The following PCDHGA6 variants were observed in gnomAD, a reference collection of about 807,000 sequenced individuals.
PCDHGA6 encodes protocadherin gamma-A6.
PCDHGA6 carries 41 observed loss-of-function variants against 60.6 expected under a neutral mutation model. That is an observed-to-expected ratio of 0.68 (90% CI 0.53 to 0.88). PCDHGA6 has a LOEUF of 0.88. Ranked by LOEUF, PCDHGA6 falls within the 40% of genes least tolerant of loss-of-function variation. The pLI, the probability that PCDHGA6 is intolerant of heterozygous loss-of-function variation, is 0.00. For synonymous variants in PCDHGA6, 594 were observed against 524.4 expected, an observed-to-expected ratio of 1.13 and a Z score of -1.81; for missense variants, 1,312 against 1,203.0, an observed-to-expected ratio of 1.09 and a Z score of -1.34.
chr5:141,378,022 A>G (rs1411303620), intron 1 of PCDHGA6: 2 of 152,188 alleles, frequency 1.3e-5, no homozygotes, highest in Non-Finnish European at 2.9e-5. Flanking sequence ...TACTTATATT[A>G]TTTTTTAAAA....
chr5:141,456,550 C>T (rs1017343381), intron 1 of PCDHGA6, among the ~76,000 whole-genome samples: 2 of 152,166 alleles, frequency 1.3e-5, no homozygotes, highest in African/African-American at 4.8e-5. Context: ...TGTAGCCACT[C>T]GGGGCTGAAG....
intron 1 of PCDHGA6, chr5:141,428,207 T>G (rs1213295979): frequency 7.6e-7 from 1 of 1,308,340 alleles, no homozygotes; most frequent in African/African-American, 1.4e-5. Context: ...GCCGCTACGC[T>G]TCACCTAGTC....
rs2154584583 is a variant in PCDHGA6, at chr5:141,490,717, A to G, written c.2425-4090A>G. The G allele has an allele frequency of 6.2e-7, 1 of 1,613,972 alleles. No individual in the cohort carries two copies. Among genetic ancestry groups the G allele is most frequent in the Non-Finnish European group, 8.5e-7 (1 of 1,179,936 alleles). On this transcript the variant is annotated intron_variant, in intron 1 of 3. Coordinates refer to ENST00000517434, the MANE Select transcript of PCDHGA6 (RefSeq NM_018919.3). The surrounding 1 kb of genome is among the most constrained non-coding windows in gnomAD (Gnocchi z 5.4). ...GGATAATGCCCGCCTCACCTACTCC[A>G]TTGTAGGAAATCAGGTTCAGGGAGC...
In PCDHGA6 at chr5:141,485,910, G is replaced by C. The variant is rs142273728; in HGVS notation, c.2425-8897G>C. On this transcript the variant is annotated intron_variant, in intron 1 of 3. Transcript: ENST00000517434. The surrounding 1 kb of genome is among the most constrained non-coding windows in gnomAD (Gnocchi z 5.7). ...AACGCCCCAGCCTTCCAGCAATCCAGCTACAGGATTAGTGTGTTGGAGAGC... is the reference window on the plus strand; with the variant it reads ...AACGCCCCAGCCTTCCAGCAATCCACCTACAGGATTAGTGTGTTGGAGAGC... The C allele has an allele frequency of 1.2e-6, 2 of 1,614,078 alleles. No homozygotes were observed. Among genetic ancestry groups the C allele is most frequent in the African/African-American group, 2.7e-5 (2 of 74,932 alleles).
chr5:141,481,924 A>G (rs1189494301), intron 1 of PCDHGA6, among the ~76,000 whole-genome samples: 1 of 151,648 alleles, frequency 6.6e-6, no homozygotes, highest in Non-Finnish European at 1.5e-5. Context: ...AAAAAAAAAA[A>G]AAAAAAAAAA....
At chr5:141,389,542 G>C in intron 1 of PCDHGA6, 1 of 1,613,198 alleles carries the variant, frequency 6.2e-7, no homozygotes, top group Non-Finnish European at 8.5e-7. Flanking sequence ...GTGGACGACC[G>C]CAACGACAAT....
intron 1 of PCDHGA6, chr5:141,388,690 A>T: frequency 6.2e-7 from 1 of 1,614,030 alleles, no homozygotes; most frequent in Middle Eastern, 1.6e-4. Context: ...GCCACGGACC[A>T]GGATGAGGGT....
chr5:141,387,634 G>A, intron 1 of PCDHGA6: 3 of 589,412 alleles, frequency 5.1e-6, no homozygotes, highest in South Asian at 2.4e-5. Flanking sequence ...TCTGGGCGCC[G>A]CTGTTGGCCA....
Position 141,431,897 on chromosome 5 carries a change from G to A in PCDHGA6, c.2424+55390G>A. On this transcript the variant is annotated intron_variant, in intron 1 of 3. Transcript: ENST00000517434. This position sits in a 1 kb window ranked among gnomAD's most constrained non-coding sequence, Gnocchi z 4.8. ...AAATGACCAAGATTCTGAGGAAAAC[G>A]GACAGGTGATCTGTTTCATCCAAGG... is the stretch of plus-strand genomic sequence containing the variant. 6 of 1,613,830 alleles carry A rather than the reference G, an allele frequency of 3.7e-6. No individual in the cohort carries two copies. The highest frequency in any genetic ancestry group is 5.1e-6 in the Non-Finnish European group (6 of 1,179,704).
intron 1 of PCDHGA6, chr5:141,478,023 A>G (rs2099428714): frequency 6.2e-7 from 1 of 1,614,112 alleles, no homozygotes; most frequent in South Asian, 1.1e-5. Flanking sequence ...CCAGTCCAAG[A>G]CACAGATTCA....
chr5:141,500,036 T>C (rs1001193977), intron 2 of PCDHGA6, among the ~76,000 whole-genome samples: 8 of 152,176 alleles, frequency 5.3e-5, no homozygotes, highest in African/African-American at 1.9e-4. Flanking sequence ...TGAGTGTCTC[T>C]TAAGTATCTT....
In PCDHGA6 at chr5:141,477,602, C is replaced by G. The variant is rs772296229; in HGVS notation, c.2425-17205C>G. ...GCAGAATGCTCGGCTTTCTTTCTTT[C>G]TCTTGGAGCAAGGAGCTGAAACCGG... On this transcript the variant is annotated intron_variant, in intron 1 of 3. Coordinates refer to ENST00000517434, the MANE Select transcript of PCDHGA6 (RefSeq NM_018919.3). This position sits in a 1 kb window ranked among gnomAD's most constrained non-coding sequence, Gnocchi z 4.9. 6.2e-7 allele frequency: 1 copy of G among 1,614,098 alleles called. No homozygotes were observed. Among genetic ancestry groups the G allele is most frequent in the East Asian group, 2.2e-5 (1 of 44,898 alleles).
chr5:141,392,826 C>T, intron 1 of PCDHGA6: 1 of 1,601,188 alleles, frequency 6.2e-7, no homozygotes, highest in Non-Finnish European at 8.5e-7. Context: ...GGCCGCTCCA[C>T]AGAGTCGCCC....
chr5:141,388,170 T>C (rs756859307), intron 1 of PCDHGA6: 9 of 1,495,754 alleles, frequency 6.0e-6, no homozygotes, highest in Non-Finnish European at 8.3e-6. Flanking sequence ...GGAGGAGATA[T>C]GCGGGAAGAA....
chr5:141,494,815 G>T lies in PCDHGA6; in HGVS notation c.2433G>T (p.Pro811=). The change falls in exon 2 of 4, where the codon CCG becomes CCT. Residue 811 remains proline, a synonymous_variant. Transcript: ENST00000517434. ...CTCTGTTTTCTCCACAGCAAGCCCC[G>T]CCCAACACGGACTGGCGTTTCTCTC... The part of the protein sequence containing the change: ...KGEPRQLQQA[P]PNTDWRFSQA... 1.2e-6 allele frequency: 2 copies of T among 1,613,976 alleles called. No individual in the cohort carries two copies. The highest frequency in any genetic ancestry group is 1.1e-5 in the South Asian group (1 of 91,072).
intron 1 of PCDHGA6, chr5:141,405,417 TTTTTG>T (rs767701229): frequency 7.0e-6 from 11 of 1,563,080 alleles, no homozygotes; most frequent in Non-Finnish European, 8.7e-6. Flanking sequence ...CTTTTTTTGT[TTTTTG>T]TTTTGTTTTG....
rs2099183566 is a variant in PCDHGA6, at chr5:141,468,861, A to G, written c.2425-25946A>G. 3.9e-5 allele frequency among the ~76,000 whole-genome samples: 6 copies of G among 152,168 alleles called. No homozygotes were observed. In the South Asian group the frequency reaches 1.2e-3, roughly 32 times the overall value. On this transcript the variant is annotated intron_variant, in intron 1 of 3. Coordinates refer to ENST00000517434, the MANE Select transcript of PCDHGA6 (RefSeq NM_018919.3). ...AGCCTGGGCAACAGAGCGAGACTCCATCTCAAAAATAATAATAATAATAAT... is the reference window on the plus strand; with the variant it reads ...AGCCTGGGCAACAGAGCGAGACTCCGTCTCAAAAATAATAATAATAATAAT...
chr5:141,422,727 G>A, intron 1 of PCDHGA6: 6 of 1,606,552 alleles, frequency 3.7e-6, no homozygotes, highest in Non-Finnish European at 5.1e-6. Flanking sequence ...TCCAGGGGGT[G>A]CCTCTGTCCT....
At position 141,485,731 on chromosome 5, in the gene PCDHGA6, C is replaced by G; in HGVS notation, c.2425-9076C>G. 6.2e-7 allele frequency: 1 copy of G among 1,614,152 alleles called. No homozygotes were observed. Among genetic ancestry groups the G allele is most frequent in the Non-Finnish European group, 8.5e-7 (1 of 1,180,022 alleles). ...TTGCACTGGATGTGAAGAAGCGCAG[C>G]GACGGCAGCCTGGTCCCAGAGCTGC... On this transcript the variant is annotated intron_variant, in intron 1 of 3. Transcript: ENST00000517434. The surrounding 1 kb of genome is among the most constrained non-coding windows in gnomAD (Gnocchi z 5.7).
Sources: allele counts gnomAD v4.1 joint callset (sites outside exome capture counted in the v4.1 genomes callset), GRCh38; gene constraint gnomAD v4.1.1; non-coding constraint Gnocchi (gnomAD v3.1); transcripts MANE v1.5; gene names NCBI Gene and HGNC (gene_info 2026-07-23, HGNC 2026-07-21).